MST1R: variants seen among roughly 807,000 people sequenced by gnomAD.
The protein encoded by MST1R is macrophage stimulating 1 receptor.
A neutral mutation model predicts 117.8 loss-of-function variants in MST1R; 99 were observed. That is an observed-to-expected ratio of 0.84 (90% confidence interval 0.71 to 0.99). MST1R has a LOEUF of 0.99. Ranked by LOEUF, MST1R falls within the 50% of genes least tolerant of loss-of-function variation. The pLI, the probability that MST1R is intolerant of heterozygous loss-of-function variation, is 0.00. For missense variants in MST1R, 1,683 were observed against 1,840.2 expected (o/e 0.91, Z 1.56); for synonymous variants, 734 against 765.3 (o/e 0.96, Z 0.68).
intron 14 of MST1R, among the ~76,000 whole-genome samples, chr3:49,894,007 A>G (rs1267656479): frequency 2.0e-5 from 3 of 150,792 alleles, no homozygotes; most frequent in African/African-American, 4.9e-5. Flanking sequence ...TGAGGTCAGG[A>G]GTTCGAGACC....
At chr3:49,896,940 G>C in intron 7 of MST1R, 50 bp from the exon 8 acceptor site, 5 of 1,449,832 alleles carry the variant, frequency 3.4e-6, no homozygotes, top group Non-Finnish European at 4.6e-6. Context: ...GTGATGGCCA[G>C]GCCCACTTCT....
chr3:49,903,566 A>C lies in MST1R; in HGVS notation c.44T>G (p.Leu15Arg). The change falls in exon 1 of 20, where the codon CTG becomes CGG. Residue 15 changes from leucine (L) to arginine (R), a missense_variant. Coordinates refer to ENST00000296474, the MANE Select transcript of MST1R (RefSeq NM_002447.4). ...PPLPQSFLLL[L>R]LLPAKPAAGE... is the part of the protein sequence containing the mutation. ...CGCCGCGGGCTTGGCAGGCAACAGC[A>C]GCAGCAACAGGAAGGACTGAGGCAG... 6.3e-7 allele frequency: 1 copy of C among 1,589,378 alleles called. No individual in the cohort carries two copies. Among genetic ancestry groups the C allele is most frequent in the Non-Finnish European group, 8.5e-7 (1 of 1,173,110 alleles).
In MST1R at chr3:49,902,759, C is replaced by T. The variant is rs1291236252; in HGVS notation, c.851G>A (p.Ser284Asn). ...SALHTRLARL[S>N]ATEPELGDYR... ...GTCACCCAACTCTGGCTCAGTGGCG[C>T]TAAGCCGTGCCAGGCGTGTGTGCAG... is the stretch of plus-strand genomic sequence containing the variant. Residue 284 changes from serine (S) to asparagine (N), a missense_variant, in exon 1 of 20, where the codon AGC becomes AAC. Ser to Asn is a conservative substitution (Grantham distance 46). Transcript: ENST00000296474. 1 of 1,613,800 alleles carries T rather than the reference C, an allele frequency of 6.2e-7. No homozygotes were observed. Among genetic ancestry groups the T allele is most frequent in the African/African-American group, 1.3e-5 (1 of 74,956 alleles).
Position 49,891,557 on chromosome 3 carries a change from C to G in MST1R, c.3376G>C (p.Glu1126Gln), listed in dbSNP as rs779231981. The change falls in exon 16 of 20, where the codon GAG (glutamate) becomes CAG (glutamine). Residue 1126 changes from glutamate (E) to glutamine (Q), a missense_variant. Transcript: ENST00000296474. ...LSRITEMQQV[E>Q]AFLREGLLMR... ...AGCAGCCCCTCTCGCAGGAAGGCCT[C>G]CACCTGCTGCATCTCTGTGATGCCT... 8 of 1,613,790 alleles carry G rather than the reference C, an allele frequency of 5.0e-6. No individual in the cohort carries two copies. The highest frequency in any genetic ancestry group is 6.8e-6 in the Non-Finnish European group (8 of 1,180,048).
chr3:49,897,730 G>A (rs766331816), intron 5 of MST1R, 45 bp from the exon 6 acceptor site: 2 of 1,550,328 alleles, frequency 1.3e-6, no homozygotes, highest in East Asian at 2.3e-5. Flanking sequence ...GAATTACACA[G>A]GCCTAGATGC....
At chr3:49,892,259 C>T (rs956122704) in intron 14 of MST1R, among the ~76,000 whole-genome samples, 2 of 151,720 alleles carry the variant, frequency 1.3e-5, no homozygotes, top group Non-Finnish European at 2.9e-5. Flanking sequence ...CCACCACACC[C>T]GGCCCAATCT....
chr3:49,887,589 A>G, intron 19 of MST1R, 27 bp from the exon 20 acceptor site: 1 of 1,608,982 alleles, frequency 6.2e-7, no homozygotes. Context: ...ATGTCAGGTT[A>G]AGGCAATTTC....
chr3:49,899,363 C>A, intron 1 of MST1R, 100 bp from the exon 2 acceptor site: 5 of 1,297,730 alleles, frequency 3.9e-6, no homozygotes, highest in Non-Finnish European at 5.4e-6. Context: ...ACTCTCACCC[C>A]TCACCTGGCC....
intron 14 of MST1R, among the ~76,000 whole-genome samples, chr3:49,894,920 T>C (rs915622034): frequency 2.0e-5 from 3 of 152,104 alleles, no homozygotes; most frequent in African/African-American, 7.2e-5. Context: ...GCCATTCTCC[T>C]GCCTCAGCCT....
chr3:49,892,733 C>G (rs1247267497), intron 14 of MST1R, among the ~76,000 whole-genome samples: 1 of 150,598 alleles, frequency 6.6e-6, no homozygotes, highest in Non-Finnish European at 1.5e-5. Context: ...GCGGGAGGAT[C>G]AGCTGAGGTC....
Position 49,891,497 on chromosome 3 carries a change from G to C in MST1R, c.3436C>G (p.Leu1146Val). ...RGLNHPNVLA[L>V]IGIMLPPEGL... ...TCAGGTGGCAACATGATACCAATGA[G>C]AGCCAGCACATTCGGGTGGTTCAGG... The change falls in exon 16 of 20, where the codon CTC becomes GTC. Residue 1146 changes from leucine to valine, a missense_variant. Leu to Val is a conservative substitution (Grantham distance 32). Transcript: ENST00000296474. 1 of 1,614,036 alleles carries C rather than the reference G, an allele frequency of 6.2e-7. No individual in the cohort carries two copies. Among genetic ancestry groups the C allele is most frequent in the Non-Finnish European group, 8.5e-7 (1 of 1,180,040 alleles).
Position 49,902,718 on chromosome 3 carries a change from G to A in MST1R, c.892C>T (p.Leu298Phe), listed in dbSNP as rs2082725774. 2.5e-6 allele frequency: 4 copies of A among 1,613,678 alleles called. No homozygotes were observed. Among genetic ancestry groups the A allele is most frequent in the Non-Finnish European group, 3.4e-6 (4 of 1,180,028 alleles). The stretch of plus-strand genomic sequence containing the variant: ...CGTTTTGGAGCAAATCTGCAGTCGA[G>A]GACCAGCTCCCGATAGTCACCCAAC... Reference protein sequence around the residue: ...PELGDYRELVLDCRFAPKRRR... With the variant: ...PELGDYRELVFDCRFAPKRRR... The change falls in exon 1 of 20, where the codon CTC becomes TTC. Residue 298 changes from leucine to phenylalanine, a missense_variant. By Grantham distance (22) the Leu-to-Phe change is conservative. Transcript: ENST00000296474.
intron 4 of MST1R, 46 bp downstream of exon 4, chr3:49,898,472 C>A (rs1425103046): frequency 2.5e-6 from 4 of 1,595,970 alleles, no homozygotes; most frequent in South Asian, 2.3e-5. Flanking sequence ...CCACCCCAGG[C>A]CCAGCCTGTC....
At chr3:49,894,977 AT>A (rs2082419226) in intron 14 of MST1R, among the ~76,000 whole-genome samples, 189 bp downstream of exon 14, 1 of 151,772 alleles carries the variant, frequency 6.6e-6, no homozygotes, top group Non-Finnish European at 1.5e-5. Flanking sequence ...GCTGGCTAAT[AT>A]TTTTTTGTAT....
intron 17 of MST1R, among the ~76,000 whole-genome samples, chr3:49,890,875 G>A (rs1056697203): frequency 1.8e-4 from 27 of 152,264 alleles, no homozygotes; most frequent in South Asian, 2.1e-4. Context: ...ACAGGGGCCC[G>A]CCACCACGCC....
In MST1R at chr3:49,895,254, G is replaced by A; in HGVS notation, c.3184C>T (p.Leu1062=). 7.4e-6 allele frequency: 12 copies of A among 1,614,234 alleles called. No individual in the cohort carries two copies. The highest frequency in any genetic ancestry group is 1.0e-5 in the Non-Finnish European group (12 of 1,180,052). ...ACCTCAGCCAAGAGCGCAGAGTCCA[G>A]GTCCCTTAGCTGGATGGACTCTTTC... ...LRKESIQLRD[L]DSALLAEVKD... is the part of the protein sequence containing the mutation. The change falls in exon 14 of 20, where the codon CTG becomes TTG. Residue 1062 remains leucine (L), a synonymous_variant. Coordinates refer to ENST00000296474, the MANE Select transcript of MST1R (RefSeq NM_002447.4).
intron 19 of MST1R, 33 bp downstream of exon 19, chr3:49,889,891 G>T (rs1312284585): frequency 6.2e-7 from 1 of 1,613,370 alleles, no homozygotes; most frequent in Admixed American, 1.7e-5. Flanking sequence ...CTGGGGCCCA[G>T]TTCCCTCCCC....
In MST1R at chr3:49,887,243, C is replaced by A; in HGVS notation, c.*64G>T. The A allele has an allele frequency of 6.3e-7, 1 of 1,588,708 alleles. No individual in the cohort carries two copies. The highest frequency in any genetic ancestry group is 8.6e-7 in the Non-Finnish European group (1 of 1,166,030). On this transcript the variant is annotated 3_prime_UTR_variant, in exon 20 of 20. Coordinates refer to ENST00000296474, the MANE Select transcript of MST1R (RefSeq NM_002447.4). ...GGAGGGCCACTGCCCTCTGGCCTGG[C>A]ATGGCCCAGAGGCAGCTTGGGGTTA...
chr3:49,887,376 C>T lies in MST1R; in HGVS notation c.4134G>A (p.Pro1378=), dbSNP rs374431656. The T allele has an allele frequency of 2.0e-5, 32 of 1,614,110 alleles. No individual in the cohort carries two copies. Among genetic ancestry groups the T allele is most frequent in the South Asian group, 7.7e-5 (7 of 91,090 alleles). The change falls in exon 20 of 20, where the codon CCG becomes CCA. Residue 1378 remains proline (P), a synonymous_variant. Coordinates refer to ENST00000296474, the MANE Select transcript of MST1R (RefSeq NM_002447.4). ...SHEMNVRPEQ[P]QFSPMPGNVR... ...CATTCCCTGGCATGGGTGAGAACTGCGGCTGTTCTGGACGCACATTCATCT... is the reference window on the plus strand; with the variant it reads ...CATTCCCTGGCATGGGTGAGAACTGTGGCTGTTCTGGACGCACATTCATCT...
Sources: gnomAD v4.1 joint callset for allele counts (sites outside exome capture counted in the v4.1 genomes callset) on GRCh38, gnomAD v4.1.1 for gene constraint, MANE v1.5 for transcripts, NCBI Gene and HGNC (gene_info 2026-07-23, HGNC 2026-07-21) for gene names.